POT1: variants seen among roughly 807,000 people sequenced by gnomAD.
POT1 encodes the protein protection of telomeres 1.
In POT1, 47 loss-of-function variants were observed where a neutral mutation model predicts 78.5. The ratio of observed to expected loss-of-function variants is 0.60; its 90% confidence interval spans 0.47 to 0.76. The LOEUF is 0.76. Among genes scored for constraint, POT1 ranks in the 30% least tolerant of loss-of-function variants. The pLI is 0.00. For synonymous variants in POT1, 259 were observed against 260.7 expected (o/e 0.99, Z 0.06); for missense variants, 646 against 749.9 (o/e 0.86, Z 1.62).
intron 13 of POT1, among the ~76,000 whole-genome samples, chr7:124,842,337 A>G (rs1393182289): frequency 6.6e-6 from 1 of 151,992 alleles, no homozygotes; most frequent in African/African-American, 2.4e-5. Flanking sequence ...TTCAGAGTAA[A>G]GGCACTGAGA....
At chr7:124,879,734 T>C (rs1166561346) in intron 6 of POT1, among the ~76,000 whole-genome samples, 3 of 152,146 alleles carry the variant, frequency 2.0e-5, no homozygotes, top group Non-Finnish European at 4.4e-5. Context: ...GGAAAATTCA[T>C]TCTTTAGCAA....
intron 12 of POT1, among the ~76,000 whole-genome samples, chr7:124,844,535 G>C (rs1795116062): frequency 6.7e-6 from 1 of 150,124 alleles, no homozygotes; most frequent in South Asian, 2.1e-4. Flanking sequence ...AAGAGAGCGA[G>C]ACCATCCTGG....
intron 3 of POT1, among the ~76,000 whole-genome samples, chr7:124,898,888 A>G (rs949537149): frequency 1.3e-5 from 2 of 152,186 alleles, no homozygotes; most frequent in African/African-American, 4.8e-5. Flanking sequence ...AGTAGTAAGA[A>G]GCCATTCTCC....
At chr7:124,846,212 G>A (rs1298193357) in intron 12 of POT1, among the ~76,000 whole-genome samples, 2 of 146,926 alleles carry the variant, frequency 1.4e-5, no homozygotes, top group East Asian at 2.0e-4. Context: ...ATGTGTACAC[G>A]TGTGAATATA....
intron 6 of POT1, among the ~76,000 whole-genome samples, chr7:124,880,519 AT>A (rs1401558842): frequency 6.6e-6 from 1 of 152,110 alleles, no homozygotes; most frequent in African/African-American, 2.4e-5. Context: ...CTTACATAAT[AT>A]TGAAGAATGT....
intron 15 of POT1, 63 bp from the exon 16 acceptor site, chr7:124,829,405 T>C: frequency 9.9e-7 from 1 of 1,006,446 alleles, no homozygotes; most frequent in Admixed American, 2.2e-5. Flanking sequence ...TTGTTATAAC[T>C]TTTTACTGCT....
chr7:124,891,542 C>T (rs1329995127), intron 6 of POT1, among the ~76,000 whole-genome samples: 8 of 151,398 alleles, frequency 5.3e-5, no homozygotes, highest in Admixed American at 1.3e-4. Flanking sequence ...GAAGGTCTTA[C>T]GATTGCCATT....
chr7:124,850,205 T>A (rs546525578), intron 11 of POT1, among the ~76,000 whole-genome samples: 1 of 152,326 alleles, frequency 6.6e-6, no homozygotes, highest in East Asian at 1.9e-4. Flanking sequence ...ATCACGAAGT[T>A]GTTAGCATTT....
intron 11 of POT1, among the ~76,000 whole-genome samples, chr7:124,849,147 C>G (rs187677231): frequency 6.6e-6 from 1 of 152,052 alleles, no homozygotes; most frequent in Admixed American, 6.6e-5. Flanking sequence ...GTCAAGAGGA[C>G]TTGAATGGAC....
intron 3 of POT1, among the ~76,000 whole-genome samples, chr7:124,914,799 T>C (rs930577700): frequency 1.3e-5 from 2 of 152,194 alleles, no homozygotes; most frequent in African/African-American, 4.8e-5. Context: ...TATATAAGAC[T>C]TGAGCATCCA....
chr7:124,861,449 G>T (rs1417985827), intron 8 of POT1, among the ~76,000 whole-genome samples: 2 of 152,138 alleles, frequency 1.3e-5, no homozygotes, highest in East Asian at 1.9e-4. Context: ...TTTTAATGGG[G>T]TTGTTTTTTC....
At chr7:124,860,312 A>T (rs2116531363) in intron 8 of POT1, among the ~76,000 whole-genome samples, 1 of 152,212 alleles carries the variant, frequency 6.6e-6, no homozygotes, top group South Asian at 2.1e-4. Context: ...GTATGTCTAT[A>T]ATGTCATTTT....
intron 3 of POT1, chr7:124,900,877 T>G (rs568908835): frequency 5.5e-5 from 20 of 361,504 alleles, no homozygotes; most frequent in Admixed American, 4.9e-4. Flanking sequence ...TCAGGTCCCA[T>G]GCCCACAGAG....
intron 16 of POT1, among the ~76,000 whole-genome samples, chr7:124,827,824 G>C (rs994904476): frequency 6.6e-6 from 1 of 152,186 alleles, no homozygotes; most frequent in African/African-American, 2.4e-5. Flanking sequence ...ATCTTGAGGA[G>C]TTCAAGACCA....
At chr7:124,832,284 A>C (rs1794785337) in intron 15 of POT1, among the ~76,000 whole-genome samples, 1 of 150,146 alleles carries the variant, frequency 6.7e-6, no homozygotes, top group South Asian at 2.1e-4. Context: ...AGTCTGAAAT[A>C]ATGTCAAAAC....
rs1013389972 is a variant in POT1, at chr7:124,854,990, T to C, written c.703-1852A>G. ...AAAGGCTTTGATATTACAAAAATGATAATTTCCTCCAAATTAAACTTTAAA... is the reference window on the plus strand; with the variant it reads ...AAAGGCTTTGATATTACAAAAATGACAATTTCCTCCAAATTAAACTTTAAA... On this transcript the variant is annotated intron_variant, in intron 9 of 18. Transcript: ENST00000357628. Among the ~76,000 whole-genome samples the C allele has an allele frequency of 2.6e-5, 4 of 151,720 alleles. No individual in the cohort carries two copies. The South Asian group carries it at 8.3e-4, about 31-fold the overall frequency.
At position 124,822,712 on chromosome 7, in the gene POT1, T is replaced by C. The variant is rs1300371543; in HGVS notation, c.*1250A>G. Reference sequence around the variant, plus strand: ...AATAAAATCAGTCTTTCTCATTGTCTCAAACAAGCTGATAAGTCGATGATG... The same window carrying C: ...AATAAAATCAGTCTTTCTCATTGTCCCAAACAAGCTGATAAGTCGATGATG... On this transcript the variant is annotated 3_prime_UTR_variant, in exon 19 of 19. Transcript: ENST00000357628. 3.7e-6 allele frequency: 1 copy of C among 269,700 alleles called. No homozygotes were observed. The highest frequency in any genetic ancestry group is 2.1e-5 in the African/African-American group (1 of 46,546). The allele number at this position is 269,700 out of a possible 1,614,324, so 16.7% of individuals were successfully genotyped here. A position where few individuals can be genotyped will look rare whatever the true frequency, so the allele number is the denominator to read the frequency against.
At chr7:124,896,805 T>C (rs896206165) in intron 5 of POT1, among the ~76,000 whole-genome samples, 1 of 151,726 alleles carries the variant, frequency 6.6e-6, no homozygotes, top group East Asian at 1.9e-4. Context: ...CACATAATTG[T>C]CTGGTTAAAT....
At chr7:124,879,950 T>C (rs991278323) in intron 6 of POT1, among the ~76,000 whole-genome samples, 4 of 152,148 alleles carry the variant, frequency 2.6e-5, no homozygotes, top group African/African-American at 9.6e-5. Flanking sequence ...AGAGGATTTT[T>C]TGGTAATAGC....
Sources: gnomAD v4.1 joint callset for allele counts (sites outside exome capture counted in the v4.1 genomes callset) on GRCh38, gnomAD v4.1.1 for gene constraint, MANE v1.5 for transcripts, NCBI Gene and HGNC (gene_info 2026-07-23, HGNC 2026-07-21) for gene names.